Variants in CHSY3 observed in about 807,000 individuals in gnomAD.
The protein encoded by CHSY3 is chondroitin sulfate synthase 3.
Under a neutral mutation model 67.2 loss-of-function variants are expected in CHSY3, and 35 were observed. The observed-to-expected ratio is 0.52, with a 90% CI of 0.40 to 0.69. The LOEUF is 0.69. Among genes scored for constraint, CHSY3 ranks in the 30% least tolerant of loss-of-function variants. The pLI, the probability that CHSY3 is intolerant of heterozygous loss-of-function variation, is 0.00. For synonymous variants in CHSY3, 474 were observed against 434.7 expected (o/e 1.09, Z -1.12); for missense variants, 1,069 against 1,138.5 (o/e 0.94, Z 0.88).
chr5:130,097,397 C>T (rs1767085155), intron 2 of CHSY3, among the ~76,000 whole-genome samples: 1 of 152,196 alleles, frequency 6.6e-6, no homozygotes, highest in East Asian at 1.9e-4. Context: ...GCAGTTCAAA[C>T]ACTGGCTGCC....
intron 2 of CHSY3, among the ~76,000 whole-genome samples, chr5:130,060,800 T>C (rs1444282795): frequency 6.6e-6 from 1 of 151,688 alleles, no homozygotes; most frequent in Non-Finnish European, 1.5e-5. Context: ...AAGAACTCAA[T>C]CCCATTTACA....
In CHSY3 at chr5:130,057,920, G is replaced by C. The variant is rs200638412; in HGVS notation, c.1087-126309G>C. Among the ~76,000 whole-genome samples the C allele has an allele frequency of 6.6e-5, 10 of 152,252 alleles. No individual in the cohort carries two copies. The East Asian group carries it at 1.7e-3, about 26-fold the overall frequency. On this transcript the variant is annotated intron_variant, in intron 2 of 2. Coordinates refer to ENST00000305031, the MANE Select transcript of CHSY3 (RefSeq NM_175856.5). ...GCACACAGAGAGAGAGAGAGAGAGA[G>C]AGAGACAGAGAGATACAGAGCACCT...
At chr5:129,933,737 C>A in intron 2 of CHSY3, among the ~76,000 whole-genome samples, 1 of 152,064 alleles carries the variant, frequency 6.6e-6, no homozygotes, top group East Asian at 1.9e-4. Context: ...ACTCATTTAA[C>A]ATTATCTCTA....
At chr5:130,178,227 T>TTATTTATA (rs1770120154) in intron 2 of CHSY3, among the ~76,000 whole-genome samples, 1 of 65,838 alleles carries the variant, frequency 1.5e-5, no homozygotes, top group East Asian at 5.4e-4. Context: ...ATATTTATAT[T>TTATTTATA]TATATATATA....
At chr5:129,966,527 A>C (rs1235954855) in intron 2 of CHSY3, among the ~76,000 whole-genome samples, 2 of 151,716 alleles carry the variant, frequency 1.3e-5, no homozygotes, top group Non-Finnish European at 2.9e-5. Flanking sequence ...AAAATGATAA[A>C]ATTTTTAATG....
intron 2 of CHSY3, among the ~76,000 whole-genome samples, chr5:130,041,960 C>A (rs185579608): frequency 2.0e-5 from 3 of 152,154 alleles, no homozygotes; most frequent in Admixed American, 6.6e-5. Flanking sequence ...AAAAATCAGC[C>A]TGGTACAGTG....
chr5:129,996,751 TCA>T (rs1489300691), intron 2 of CHSY3, among the ~76,000 whole-genome samples: 2 of 151,996 alleles, frequency 1.3e-5, no homozygotes, highest in African/African-American at 2.4e-5. Context: ...CAATACATAG[TCA>T]CACACACATA....
intron 2 of CHSY3, among the ~76,000 whole-genome samples, chr5:130,174,998 T>A (rs1770002212): frequency 6.6e-6 from 1 of 152,090 alleles, no homozygotes; most frequent in Non-Finnish European, 1.5e-5. Flanking sequence ...GTGTTAAGTC[T>A]CCCACTATTA....
At chr5:130,089,368 A>G (rs1248671296) in intron 2 of CHSY3, among the ~76,000 whole-genome samples, 4 of 151,968 alleles carry the variant, frequency 2.6e-5, no homozygotes, top group Admixed American at 6.6e-5. Context: ...AACTTAAAGT[A>G]TAATAATAAT....
intron 2 of CHSY3, among the ~76,000 whole-genome samples, chr5:130,097,410 G>A (rs930912100): frequency 5.3e-5 from 8 of 152,196 alleles, no homozygotes; most frequent in Non-Finnish European, 1.2e-4. Context: ...TGGCTGCCAT[G>A]GCTTGTATTT....
intron 2 of CHSY3, among the ~76,000 whole-genome samples, chr5:129,940,635 T>C (rs762764991): frequency 3.9e-5 from 6 of 152,090 alleles, no homozygotes; most frequent in Admixed American, 1.3e-4. Context: ...TTCACTATTA[T>C]AAAAAATACT....
At chr5:130,118,655 A>G (rs777361468) in intron 2 of CHSY3, among the ~76,000 whole-genome samples, 9 of 152,144 alleles carry the variant, frequency 5.9e-5, no homozygotes, top group Non-Finnish European at 1.3e-4. Context: ...TATTTTTGCA[A>G]ACTATCATCG....
intron 2 of CHSY3, among the ~76,000 whole-genome samples, chr5:130,081,893 A>ATTTTTTCCT (rs1766458281): frequency 6.6e-6 from 1 of 152,044 alleles, no homozygotes; most frequent in Non-Finnish European, 1.5e-5. Flanking sequence ...CAATCTATAT[A>ATTTTTTCCT]TTTTTTCCTT....
rs568816359 is a variant in CHSY3, at chr5:130,185,415, G to A, written c.2273G>A (p.Gly758Glu). ...SQYDPKVTNGGNPPTDDYFIF... is the reference protein window; with the variant it reads ...SQYDPKVTNGENPPTDDYFIF... ...TATGACCCAAAGGTAACAAACGGGGGAAATCCTCCCACTGATGATTACTTC... is the reference window on the plus strand; with the variant it reads ...TATGACCCAAAGGTAACAAACGGGGAAAATCCTCCCACTGATGATTACTTC... The change falls in exon 3 of 3, where the codon GGA becomes GAA. Residue 758 changes from glycine to glutamate, a missense_variant. Physicochemically the swap from Gly to Glu is moderately conservative, Grantham distance 98 (BLOSUM62 -2). This residue lies in a region of CHSY3 where 139 missense variants were observed against 152.8 expected (regional missense o/e 0.91). Transcript: ENST00000305031. 1.1e-5 allele frequency: 18 copies of A among 1,613,628 alleles called. No homozygotes were observed. The South Asian group carries it at 1.2e-4, about 11-fold the overall frequency.
intron 2 of CHSY3, among the ~76,000 whole-genome samples, chr5:130,008,446 C>A (rs1256879335): frequency 1.3e-5 from 2 of 152,088 alleles, no homozygotes; most frequent in East Asian, 1.9e-4. Context: ...TCAAAATAAT[C>A]AAAAAATATA....
At chr5:130,139,139 C>A (rs1768773499) in intron 2 of CHSY3, among the ~76,000 whole-genome samples, 1 of 152,158 alleles carries the variant, frequency 6.6e-6, no homozygotes, top group African/African-American at 2.4e-5. Context: ...AACATTACAA[C>A]AATCATATCA....
intron 2 of CHSY3, among the ~76,000 whole-genome samples, chr5:130,075,070 C>CTATT (rs1225337138): frequency 6.6e-6 from 1 of 152,020 alleles, no homozygotes; most frequent in African/African-American, 2.4e-5. Context: ...ATTTACGGAG[C>CTATT]TATTTCTGTT....
intron 2 of CHSY3, among the ~76,000 whole-genome samples, chr5:130,066,953 C>T (rs887022536): frequency 2.0e-5 from 3 of 152,108 alleles, no homozygotes; most frequent in African/African-American, 7.2e-5. Flanking sequence ...CAGTGATCTG[C>T]TAATGTAAGA....
chr5:129,953,257 G>T (rs1205621115), intron 2 of CHSY3, among the ~76,000 whole-genome samples: 2 of 151,994 alleles, frequency 1.3e-5, no homozygotes, highest in Non-Finnish European at 2.9e-5. Context: ...GTATTAGTTT[G>T]CTGAGAATGA....
Sources: allele counts gnomAD v4.1 joint callset (sites outside exome capture counted in the v4.1 genomes callset), GRCh38; gene constraint gnomAD v4.1.1; regional missense constraint gnomAD v4.1.1; transcripts MANE v1.5; gene names NCBI Gene and HGNC (gene_info 2026-07-23, HGNC 2026-07-21).